DPY19L2: variants seen among roughly 807,000 people sequenced by gnomAD.
The protein encoded by DPY19L2 is probable C-mannosyltransferase DPY19L2.
In DPY19L2, 34 loss-of-function variants were observed where a neutral mutation model predicts 97.9. The observed-to-expected ratio is 0.35, with a 90% CI of 0.26 to 0.46. The LOEUF (loss-of-function observed/expected upper bound fraction) is 0.46. Among genes scored for constraint, DPY19L2 ranks in the 20% least tolerant of loss-of-function variants. The pLI is 1.00. For missense variants in DPY19L2, 623 were observed against 911.4 expected, an observed-to-expected ratio of 0.68 and a Z score of 4.07; for synonymous variants, 230 against 307.9, an observed-to-expected ratio of 0.75 and a Z score of 2.65.
At position 63,559,218 on chromosome 12, in the gene DPY19L2, C is replaced by T; in HGVS notation, c.*1294G>A. The T allele has an allele frequency of 6.6e-6, 1 of 152,258 alleles. No homozygotes were observed. The allele number at this position is 152,258 out of a possible 1,614,324, so 9.4% of individuals were successfully genotyped here. A position where few individuals can be genotyped will look rare whatever the true frequency, so the allele number is the denominator to read the frequency against. On this transcript the variant is annotated 3_prime_UTR_variant, in exon 22 of 22. Transcript: ENST00000324472. ...TTGTATTCTGTTATAAGATATTTTACAACTATGAAAGTTGAAAAATAACTT... is the reference window on the plus strand; with the variant it reads ...TTGTATTCTGTTATAAGATATTTTATAACTATGAAAGTTGAAAAATAACTT...
intron 15 of DPY19L2, 56 bp downstream of exon 15, chr12:63,595,910 A>T: frequency 1.4e-6 from 2 of 1,466,188 alleles, no homozygotes. Context: ...AGCAATTTGC[A>T]TTCTTATAGT....
intron 6 of DPY19L2, among the ~76,000 whole-genome samples, chr12:63,634,960 T>C (rs1891396067): frequency 6.6e-6 from 1 of 152,090 alleles, no homozygotes; most frequent in African/African-American, 2.4e-5. Context: ...CAGCTGGAGA[T>C]CTAACAACAG....
chr12:63,559,737 G>T lies in DPY19L2; in HGVS notation c.*775C>A, dbSNP rs1876128283. 1 of 151,840 alleles carries T rather than the reference G, an allele frequency of 6.6e-6. No individual in the cohort carries two copies. The highest frequency in any genetic ancestry group is 6.6e-5 in the Admixed American group (1 of 15,250). 9.4% of individuals were successfully genotyped at this position (151,840 alleles called of 1,614,324 possible). On this transcript the variant is annotated 3_prime_UTR_variant, in exon 22 of 22. Transcript: ENST00000324472. ...TAACTGGATTTTCTTTTCTGATTAT[G>T]TTTAACCCCAAAACTTGGTTGTATA...
rs1371838205 is a variant in DPY19L2 at position 63,631,787 on chromosome 12, C to T, written c.804-5261G>A. Among the ~76,000 whole-genome samples the T allele has an allele frequency of 2.0e-4, 30 of 152,230 alleles. 1 individual carries two copies. The highest frequency in any genetic ancestry group is 6.5e-4 in the African/African-American group (27 of 41,544). ...AAAAGAGAATTTTAGACCAATATCCCTGAAGAACATTAATGCAAAATTCCT... is the reference window on the plus strand; with the variant it reads ...AAAAGAGAATTTTAGACCAATATCCTTGAAGAACATTAATGCAAAATTCCT... On this transcript the variant is annotated intron_variant, in intron 6 of 21. Transcript: ENST00000324472.
Position 63,580,653 on chromosome 12 carries a change from C to A in DPY19L2, c.1900+9G>T. 1 of 1,597,272 alleles carries A rather than the reference C, an allele frequency of 6.3e-7. No individual in the cohort carries two copies. Among genetic ancestry groups the A allele is most frequent in the Non-Finnish European group, 8.5e-7 (1 of 1,173,814 alleles). On this transcript the variant is annotated intron_variant, in intron 19 of 21. Transcript: ENST00000324472. Reference sequence around the variant, plus strand: ...TATAAAACTAGCATATAACCAAATACCTACACACCTGATGTGGTACTGTAT... The same window carrying A: ...TATAAAACTAGCATATAACCAAATAACTACACACCTGATGTGGTACTGTAT...
chr12:63,625,424 T>C (rs957412228), intron 7 of DPY19L2, among the ~76,000 whole-genome samples: 12 of 151,670 alleles, frequency 7.9e-5, no homozygotes, highest in Non-Finnish European at 1.6e-4. Flanking sequence ...ACTTCTACCC[T>C]ATGTAACCTG....
intron 21 of DPY19L2, among the ~76,000 whole-genome samples, chr12:63,561,047 TTTCACA>T: frequency 6.6e-6 from 1 of 152,234 alleles, no homozygotes; most frequent in African/African-American, 2.4e-5. Context: ...TCCTGATGAA[TTTCACA>T]TTTTTTAGCG....
At chr12:63,564,663 G>A (rs1877291517) in intron 21 of DPY19L2, among the ~76,000 whole-genome samples, 1 of 151,992 alleles carries the variant, frequency 6.6e-6, no homozygotes, top group Non-Finnish European at 1.5e-5. Flanking sequence ...GGTCTTTTTT[G>A]ATAAATAGTC....
At position 63,592,858 on chromosome 12, in the gene DPY19L2, C is replaced by A. The variant is rs182110776; in HGVS notation, c.1580+1229G>T. On this transcript the variant is annotated intron_variant, in intron 16 of 21. Coordinates refer to ENST00000324472, the MANE Select transcript of DPY19L2 (RefSeq NM_173812.5). ...ACCATCAGAGTCAACAGGCAACCTA[C>A]AACATGGGAGAAAATTTTCACAACC... 4.6e-5 allele frequency among the ~76,000 whole-genome samples: 7 copies of A among 152,188 alleles called. No individual in the cohort carries two copies. The East Asian group carries it at 1.2e-3, about 25-fold the overall frequency.
At chr12:63,628,478 C>G (rs796841762) in intron 6 of DPY19L2, among the ~76,000 whole-genome samples, 3 of 152,200 alleles carry the variant, frequency 2.0e-5, no homozygotes, top group African/African-American at 7.2e-5. Flanking sequence ...GCTAGCACAG[C>G]AGTCTGAGAT....
intron 4 of DPY19L2, among the ~76,000 whole-genome samples, chr12:63,648,857 A>G (rs1316037491): frequency 6.6e-6 from 1 of 152,144 alleles, no homozygotes; most frequent in Non-Finnish European, 1.5e-5. Flanking sequence ...TGAGAAATAA[A>G]TGGATTCCAA....
intron 4 of DPY19L2, among the ~76,000 whole-genome samples, chr12:63,656,079 A>G (rs1894932643): frequency 6.6e-6 from 1 of 152,106 alleles, no homozygotes; most frequent in Non-Finnish European, 1.5e-5. Flanking sequence ...TGACCGCTTC[A>G]GGAAAAGTTG....
intron 16 of DPY19L2, among the ~76,000 whole-genome samples, chr12:63,590,585 G>T (rs1382153447): frequency 1.3e-5 from 2 of 152,022 alleles, no homozygotes; most frequent in Admixed American, 1.3e-4. Context: ...ATATAATGAA[G>T]ATCAAGGAAG....
chr12:63,610,864 A>C (rs1886856163), intron 11 of DPY19L2, among the ~76,000 whole-genome samples: 1 of 104,000 alleles, frequency 9.6e-6, no homozygotes, highest in Non-Finnish European at 2.1e-5. Context: ...AAAAAAAAAA[A>C]AAAAAAAAAA....
chr12:63,623,946 C>T (rs1592611707), intron 8 of DPY19L2, 94 bp downstream of exon 8: 4 of 918,304 alleles, frequency 4.4e-6, no homozygotes, highest in Non-Finnish European at 6.8e-6. Flanking sequence ...TCAAGTGATC[C>T]ACCCACCTCA....
Position 63,560,388 on chromosome 12 carries a change from C to T in DPY19L2, c.*124G>A. ...TTAGTAATCAGAAAAATTTCCAATC[C>T]ATTTTTATCTTATTTTTAAGTGTCT... On this transcript the variant is annotated 3_prime_UTR_variant, in exon 22 of 22. Transcript: ENST00000324472. 1 of 1,207,584 alleles carries T rather than the reference C, an allele frequency of 8.3e-7. No homozygotes were observed. Among genetic ancestry groups the T allele is most frequent in the Non-Finnish European group, 1.1e-6 (1 of 909,088 alleles). 74.8% of individuals were successfully genotyped at this position (1,207,584 alleles called of 1,614,324 possible). A position where few individuals can be genotyped will look rare whatever the true frequency, so the allele number is the denominator to read the frequency against.
At chr12:63,597,687 G>A (rs1884475699) in intron 14 of DPY19L2, 122 bp downstream of exon 14, 1 of 835,270 alleles carries the variant, frequency 1.2e-6, no homozygotes, top group South Asian at 1.7e-5. Flanking sequence ...ATTAGCAAAA[G>A]TTACAGTAAA....
At chr12:63,571,427 G>A (rs995988527) in intron 19 of DPY19L2, among the ~76,000 whole-genome samples, 3 of 152,246 alleles carry the variant, frequency 2.0e-5, no homozygotes, top group African/African-American at 7.2e-5. Flanking sequence ...CTATGCTAGA[G>A]TACCATGCTA....
chr12:63,666,815 T>A (rs1284216004), intron 1 of DPY19L2, among the ~76,000 whole-genome samples: 2 of 152,174 alleles, frequency 1.3e-5, no homozygotes, highest in African/African-American at 2.4e-5. Context: ...TGGTATTTCT[T>A]ATGGTTATCC....
Sources: gnomAD v4.1 joint callset for allele counts (sites outside exome capture counted in the v4.1 genomes callset) on GRCh38, gnomAD v4.1.1 for gene constraint, MANE v1.5 for transcripts, NCBI Gene and HGNC (gene_info 2026-07-23, HGNC 2026-07-21) for gene names.